The following PTK2B variants were observed in gnomAD, a reference collection of about 807,000 sequenced individuals.
The protein encoded by PTK2B is protein tyrosine kinase 2 beta, also known as protein-tyrosine kinase 2-beta.
A neutral mutation model predicts 142.9 loss-of-function variants in PTK2B; 71 were observed. The ratio of observed to expected loss-of-function variants is 0.50; its 90% CI spans 0.41 to 0.61. The LOEUF is 0.61. PTK2B is among the 20% of genes least tolerant of loss of function. The pLI is 0.00. For synonymous variants in PTK2B, 519 were observed against 503.4 expected, an observed-to-expected ratio of 1.03 and a Z score of -0.42; for missense variants, 1,105 against 1,320.4, an observed-to-expected ratio of 0.84 and a Z score of 2.53.
At chr8:27,359,843 G>A (rs556207888) in intron 1 of PTK2B, among the ~76,000 whole-genome samples, 5 of 152,196 alleles carry the variant, frequency 3.3e-5, no homozygotes, top group African/African-American at 9.6e-5. Flanking sequence ...CTTGTAGTCA[G>A]GATGGTATTT....
Position 27,333,802 on chromosome 8 carries a change from T to C in PTK2B, c.-38+8121T>C, listed in dbSNP as rs373784560. ...ATATGCACTTAGATCCACAGGCCCC[T>C]TCTCCATCATGTCTCCGGTGACCAT... On this transcript the variant is annotated intron_variant, in intron 1 of 30. Coordinates refer to ENST00000346049, the MANE Select transcript of PTK2B (RefSeq NM_173176.3). 1.8e-4 allele frequency among the ~76,000 whole-genome samples: 28 copies of C among 152,166 alleles called. No homozygotes were observed. In the East Asian group the frequency reaches 2.9e-3, roughly 16 times the overall value.
intron 2 of PTK2B, among the ~76,000 whole-genome samples, chr8:27,413,979 T>A (rs1323335609): frequency 6.6e-6 from 1 of 152,244 alleles, no homozygotes. Flanking sequence ...CTCATTCCTA[T>A]CATATATTTT....
Position 27,439,346 on chromosome 8 carries a change from A to C in PTK2B, c.1782A>C (p.Pro594=), listed in dbSNP as rs757050060. Residue 594 remains proline (P), a synonymous_variant, in exon 20 of 31, where the codon CCA becomes CCC. Transcript: ENST00000346049. ...VTRLPIKWMS[P]ESINFRRFTT... ...GTCTCCCCATCAAATGGATGTCCCC[A>C]GAGTCCATTAACTTCCGACGCTTCA... 6.2e-7 allele frequency: 1 copy of C among 1,614,132 alleles called. No homozygotes were observed. The highest frequency in any genetic ancestry group is 8.5e-7 in the Non-Finnish European group (1 of 1,179,976).
At chr8:27,451,229 C>T (rs1811791149) in intron 26 of PTK2B, 151 bp downstream of exon 26, 5 of 1,053,196 alleles carry the variant, frequency 4.7e-6, no homozygotes, top group Non-Finnish European at 6.9e-6. Context: ...TTTTCCTTTT[C>T]TGCCAATCCC....
chr8:27,451,153 C>G (rs1811784707), intron 26 of PTK2B, 75 bp downstream of exon 26: 1 of 1,511,118 alleles, frequency 6.6e-7, no homozygotes, highest in Non-Finnish European at 9.2e-7. Context: ...ACCCCCCGCC[C>G]AACTTGCTCC....
At chr8:27,422,498 G>A in intron 5 of PTK2B, 115 bp downstream of exon 5, 1 of 1,005,630 alleles carries the variant, frequency 9.9e-7, no homozygotes, top group East Asian at 3.0e-5. Context: ...GCCAGGAAGG[G>A]GAGAGGTGGT....
intron 12 of PTK2B, 57 bp downstream of exon 12, chr8:27,434,189 G>T: frequency 3.8e-6 from 6 of 1,582,022 alleles, no homozygotes; most frequent in Non-Finnish European, 5.2e-6. Flanking sequence ...GCTGCTGAGA[G>T]GAATAAGAAT....
chr8:27,439,465 G>A, intron 20 of PTK2B, 67 bp downstream of exon 20: 1 of 1,508,980 alleles, frequency 6.6e-7, no homozygotes, highest in Non-Finnish European at 9.2e-7. Flanking sequence ...GGCTAAGGGG[G>A]TGGGTGCAGG....
chr8:27,417,228 T>C (rs1173512964), intron 2 of PTK2B, among the ~76,000 whole-genome samples: 2 of 152,200 alleles, frequency 1.3e-5, no homozygotes, highest in Non-Finnish European at 2.9e-5. Context: ...TTGTGATTCA[T>C]TTACAAAGCA....
chr8:27,337,062 A>G (rs999629567), intron 1 of PTK2B, among the ~76,000 whole-genome samples: 1 of 151,250 alleles, frequency 6.6e-6, no homozygotes, highest in Non-Finnish European at 1.5e-5. Flanking sequence ...TACAATTCAC[A>G]TACCGTAAAA....
chr8:27,443,532 G>A (rs1811286320), intron 22 of PTK2B, among the ~76,000 whole-genome samples: 1 of 152,138 alleles, frequency 6.6e-6, no homozygotes, highest in South Asian at 2.1e-4. Flanking sequence ...TCTTGTGAGG[G>A]CTCTCTGCCT....
intron 1 of PTK2B, among the ~76,000 whole-genome samples, chr8:27,340,271 G>A (rs1455988210): frequency 1.3e-5 from 2 of 152,236 alleles, no homozygotes; most frequent in Non-Finnish European, 2.9e-5. Context: ...GAAGGCCAGA[G>A]CTACCAACTT....
chr8:27,327,497 A>G (rs1449467247), intron 1 of PTK2B, among the ~76,000 whole-genome samples: 1 of 152,096 alleles, frequency 6.6e-6, no homozygotes. Context: ...TGAAATTCAC[A>G]TTTAACTGGG....
intron 4 of PTK2B, among the ~76,000 whole-genome samples, chr8:27,421,448 T>C (rs186119564): frequency 5.2e-4 from 79 of 152,168 alleles, no homozygotes; most frequent in African/African-American, 1.8e-3. Context: ...ATGTGTAGTC[T>C]TTTATCACTC....
intron 1 of PTK2B, among the ~76,000 whole-genome samples, chr8:27,383,852 A>ATTTTTTTTTT (rs749255419): frequency 1.7e-5 from 2 of 116,594 alleles, no homozygotes; most frequent in African/African-American, 3.0e-5. Context: ...CACCTGGCTA[A>ATTTTTTTTTT]TTTTTTTTTT....
At chr8:27,406,867 T>G (rs1808745830) in intron 2 of PTK2B, among the ~76,000 whole-genome samples, 1 of 152,158 alleles carries the variant, frequency 6.6e-6, no homozygotes, top group South Asian at 2.1e-4. Flanking sequence ...CACCTGCCCC[T>G]CCTGCTCTGA....
At chr8:27,438,206 C>T (rs1261928155) in intron 18 of PTK2B, among the ~76,000 whole-genome samples, 1 of 152,214 alleles carries the variant, frequency 6.6e-6, no homozygotes, top group Non-Finnish European at 1.5e-5. Flanking sequence ...ACCTCCAGCT[C>T]CCTGGCTTGG....
At chr8:27,422,205 T>G (rs1472846195) in intron 4 of PTK2B, 99 bp from the exon 5 acceptor site, 1 of 1,179,524 alleles carries the variant, frequency 8.5e-7, no homozygotes. Context: ...TGGCTGTCAC[T>G]CAGGGAGGCA....
chr8:27,405,070 T>TCTCTCTCTCTCTC (rs1554498574), intron 2 of PTK2B, among the ~76,000 whole-genome samples: 3 of 62,974 alleles, frequency 4.8e-5, no homozygotes, highest in South Asian at 1.3e-3. Flanking sequence ...CTCTCTCTCT[T>TCTCTCTCTCTCTC]AGCCATGTGA....
Sources: gnomAD v4.1 joint callset for allele counts (sites outside exome capture counted in the v4.1 genomes callset) on GRCh38, gnomAD v4.1.1 for gene constraint, MANE v1.5 for transcripts, NCBI Gene and HGNC (gene_info 2026-07-23, HGNC 2026-07-21) for gene names.